The following ATP6V1E1 variants were observed in gnomAD, a reference collection of about 807,000 sequenced individuals.
ATP6V1E1 encodes V-type proton ATPase subunit E 1.
ATP6V1E1 carries 21 observed loss-of-function variants against 35.2 expected under a neutral mutation model. The ratio of observed to expected loss-of-function variants is 0.60; its 90% confidence interval spans 0.42 to 0.86. ATP6V1E1 has a LOEUF of 0.86. ATP6V1E1 is among the 40% of genes least tolerant of loss of function. The probability of loss-of-function intolerance (pLI) is 0.00; values close to 1 mark genes in which losing one functional copy is unlikely to be tolerated. For missense variants in ATP6V1E1, 183 were observed against 272.6 expected, an observed-to-expected ratio of 0.67 and a Z score of 2.32; for synonymous variants, 83 against 87.8, an observed-to-expected ratio of 0.95 and a Z score of 0.30.
At chr22:17,625,866 TAAAAAAA>T (rs563941793) in intron 1 of ATP6V1E1, among the ~76,000 whole-genome samples, 5 of 139,672 alleles carry the variant, frequency 3.6e-5, no homozygotes, top group Non-Finnish European at 7.9e-5. Context: ...GTATGGCACT[TAAAAAAA>T]AAAAAAAAGT....
intron 3 of ATP6V1E1, 157 bp from the exon 4 acceptor site, chr22:17,613,035 G>A: frequency 1.1e-6 from 1 of 893,970 alleles, no homozygotes; most frequent in Non-Finnish European, 1.7e-6. Flanking sequence ...TTTAATCTTT[G>A]AATAATCCTG....
Position 17,613,738 on chromosome 22 carries a change from C to T in ATP6V1E1, c.100-418G>A, listed in dbSNP as rs182153183. ...ATCCCAATACTTTGGGAGGCCGAGGCGGGTGGATCACGAGGTCAGGAGATC... is the reference window on the plus strand; with the variant it reads ...ATCCCAATACTTTGGGAGGCCGAGGTGGGTGGATCACGAGGTCAGGAGATC... On this transcript the variant is annotated intron_variant, in intron 2 of 8. Coordinates refer to ENST00000253413, the MANE Select transcript of ATP6V1E1 (RefSeq NM_001696.4). Among the ~76,000 whole-genome samples, 528 of 152,044 alleles carry T rather than the reference C, an allele frequency of 3.5e-3. 3 individuals carry two copies. The highest frequency in any genetic ancestry group is 0.012 in the African/African-American group (514 of 41,564).
chr22:17,625,165 A>G (rs1054508468), intron 1 of ATP6V1E1, among the ~76,000 whole-genome samples: 47 of 152,222 alleles, frequency 3.1e-4, no homozygotes, highest in African/African-American at 1.0e-3. Context: ...CTTTGGCATT[A>G]GCAGAACCAC....
At position 17,613,191 on chromosome 22, in the gene ATP6V1E1, T is replaced by C. The variant is rs199646306; in HGVS notation, c.209+20A>G. ...TTCAGAAAACTTCTTAGCTTAATAC[T>C]GCAACCAGGATCTACTTACATTTTC... On this transcript the variant is annotated intron_variant, in intron 3 of 8. Transcript: ENST00000253413. 8.7e-6 allele frequency: 14 copies of C among 1,601,426 alleles called. No homozygotes were observed. Among genetic ancestry groups the C allele is most frequent in the Non-Finnish European group, 1.1e-5 (13 of 1,171,760 alleles).
At chr22:17,614,954 C>CAAA (rs59961282) in intron 2 of ATP6V1E1, among the ~76,000 whole-genome samples, 1 of 138,054 alleles carries the variant, frequency 7.2e-6, no homozygotes, top group African/African-American at 2.7e-5. Context: ...GACACCGTTT[C>CAAA]AAAAAAAAAA....
Position 17,601,082 on chromosome 22 carries a change from A to C in ATP6V1E1, c.366+10T>G. The C allele has an allele frequency of 6.2e-7, 1 of 1,610,230 alleles. No homozygotes were observed. The highest frequency in any genetic ancestry group is 8.5e-7 in the Non-Finnish European group (1 of 1,177,942). ...TGGCTATCAACAGTAGATCTGGTCT[A>C]TGAGGGTACCTGGAGAACCAGTCCA... On this transcript the variant is annotated intron_variant, in intron 5 of 8. Coordinates refer to ENST00000253413, the MANE Select transcript of ATP6V1E1 (RefSeq NM_001696.4).
chr22:17,612,989 G>A, intron 3 of ATP6V1E1, 111 bp from the exon 4 acceptor site: 1 of 1,101,140 alleles, frequency 9.1e-7, no homozygotes, highest in Non-Finnish European at 1.3e-6. Flanking sequence ...CAAAGCACCA[G>A]GATTACAAGC....
chr22:17,617,062 AAG>A (rs1325496057), intron 2 of ATP6V1E1, among the ~76,000 whole-genome samples: 1 of 151,944 alleles, frequency 6.6e-6, no homozygotes. Context: ...AAAAAAAAAA[AAG>A]AGTCATACAA....
chr22:17,620,613 T>C (rs538842943), intron 1 of ATP6V1E1, among the ~76,000 whole-genome samples: 25 of 152,210 alleles, frequency 1.6e-4, no homozygotes, highest in Admixed American at 3.3e-4. Flanking sequence ...GTAATTTAAA[T>C]TCAACACATT....
intron 4 of ATP6V1E1, among the ~76,000 whole-genome samples, chr22:17,605,205 C>CAA (rs898076791): frequency 0.054 from 2,909 of 53,858 alleles, 71 homozygotes; most frequent in East Asian, 0.094. Context: ...GACTTCATCT[C>CAA]AAAAAAAAAA....
intron 7 of ATP6V1E1, among the ~76,000 whole-genome samples, chr22:17,597,226 A>G (rs1166643633): frequency 6.7e-6 from 1 of 150,104 alleles, no homozygotes; most frequent in African/African-American, 2.5e-5. Flanking sequence ...TGGGTGACAG[A>G]GTGAGACTGC....
intron 4 of ATP6V1E1, among the ~76,000 whole-genome samples, chr22:17,605,693 C>CTT (rs3044548): frequency 0.13 from 13,596 of 104,044 alleles, 1,241 homozygotes; most frequent in Admixed American, 0.21. Flanking sequence ...AGATGTTTCT[C>CTT]TTTTTTTTTT....
intron 1 of ATP6V1E1, among the ~76,000 whole-genome samples, chr22:17,625,029 A>C (rs1157805923): frequency 6.6e-6 from 1 of 152,174 alleles, no homozygotes; most frequent in African/African-American, 2.4e-5. Context: ...ATATTGAAAG[A>C]AGCAGAAGAA....
intron 2 of ATP6V1E1, among the ~76,000 whole-genome samples, chr22:17,617,273 A>T (rs1322117505): frequency 6.6e-6 from 1 of 152,110 alleles, no homozygotes; most frequent in Non-Finnish European, 1.5e-5. Flanking sequence ...TAAACAATAT[A>T]TCTTGGTCAT....
Position 17,626,325 on chromosome 22 carries a change from A to AAAAGAAAG in ATP6V1E1, c.33+2270_33+2277dup, listed in dbSNP as rs767200159. Among the ~76,000 whole-genome samples the AAAAGAAAG allele has an allele frequency of 2.1e-4, 26 of 122,936 alleles. No individual in the cohort carries two copies. The South Asian group carries it at 3.7e-3, about 17-fold the overall frequency. The allele number at this position is 122,936 out of a possible 152,430, so 80.7% of individuals were successfully genotyped here. ...TTCGTCTCAAAAAAAAAAAAAAAAA[A>AAAAGAAAG]AAAGAAAGAAAAGAAAAAGCGGTCT... On this transcript the variant is annotated intron_variant, in intron 1 of 8. Coordinates refer to ENST00000253413, the MANE Select transcript of ATP6V1E1 (RefSeq NM_001696.4).
At chr22:17,621,506 G>C (rs1023754217) in intron 1 of ATP6V1E1, among the ~76,000 whole-genome samples, 5 of 152,222 alleles carry the variant, frequency 3.3e-5, no homozygotes, top group African/African-American at 1.2e-4. Context: ...TGTTGCCCAG[G>C]CTGGTCTTGA....
chr22:17,609,716 G>A (rs1056742969), intron 4 of ATP6V1E1, among the ~76,000 whole-genome samples: 2 of 151,694 alleles, frequency 1.3e-5, no homozygotes, highest in Non-Finnish European at 2.9e-5. Context: ...TGATCCGCCC[G>A]CCTCGGCCTC....
rs779373750 is a variant in ATP6V1E1, at chr22:17,613,303, G to A, written c.117C>T (p.Asn39=). 5 of 1,613,374 alleles carry A rather than the reference G, an allele frequency of 3.1e-6. No homozygotes were observed. In the Admixed American group the frequency reaches 5.0e-5, roughly 16 times the overall value. ...TTTGCACAAGCCGACCTTTCTCTAT[G>A]TTGAACTCTTCTTCTGCCTAGAGGG... ...EIDAKAEEEF[N]IEKGRLVQTQ... Residue 39 remains asparagine, a synonymous_variant, in exon 3 of 9, where the codon AAC becomes AAT. Transcript: ENST00000253413.
intron 2 of ATP6V1E1, among the ~76,000 whole-genome samples, chr22:17,616,540 G>C (rs1026816501): frequency 2.0e-5 from 3 of 151,700 alleles, no homozygotes; most frequent in Admixed American, 2.0e-4. Flanking sequence ...TTAGCTGGGC[G>C]TGATGGCATG....
Sources: gnomAD v4.1 joint callset for allele counts (sites outside exome capture counted in the v4.1 genomes callset) on GRCh38, gnomAD v4.1.1 for gene constraint, MANE v1.5 for transcripts, NCBI Gene and HGNC (gene_info 2026-07-23, HGNC 2026-07-21) for gene names.